Variants in ATG10 observed in about 807,000 individuals in gnomAD.
ATG10 encodes autophagy related 10.
ATG10 carries 30 observed loss-of-function variants against 32.1 expected under a neutral mutation model. That is an observed-to-expected ratio of 0.94 (90% CI 0.70 to 1.27). ATG10 has a LOEUF of 1.27. Among genes scored for constraint, ATG10 ranks in the 50% most tolerant of loss-of-function variants. The probability of loss-of-function intolerance (pLI) is 0.00; values close to 1 mark genes in which losing one functional copy is unlikely to be tolerated. For synonymous variants in ATG10, 87 were observed against 91.5 expected (o/e 0.95, Z 0.28); for missense variants, 233 against 262.3 (o/e 0.89, Z 0.77).
rs372676063 is a variant in ATG10, at chr5:82,080,644, C to G, written c.216+22042C>G. Among the ~76,000 whole-genome samples the G allele has an allele frequency of 1.0e-3, 155 of 152,046 alleles. No individual in the cohort carries two copies. In the East Asian group the frequency reaches 0.026, roughly 26 times the overall value. On this transcript the variant is annotated intron_variant, in intron 3 of 7. Transcript: ENST00000282185. ...AATCCTTTCCCCATTGCTTGTTTTT[C>G]TCAGGTTTGTCAAAGATCAGATGGT...
At chr5:82,085,936 T>C (rs1764672152) in intron 3 of ATG10, among the ~76,000 whole-genome samples, 1 of 152,172 alleles carries the variant, frequency 6.6e-6, no homozygotes, top group South Asian at 2.1e-4. Context: ...TTTATTACAG[T>C]ATACATTTTG....
chr5:82,244,314 A>G lies in ATG10; in HGVS notation c.454-8248A>G, dbSNP rs187464489. On this transcript the variant is annotated intron_variant, in intron 5 of 7. Coordinates refer to ENST00000282185, the MANE Select transcript of ATG10 (RefSeq NM_031482.5). ...TAGACACCAGTTCTGGTCAGAGGGC[A>G]TGAGGAGGTGCAGTGTAAGTGTGTG... Among the ~76,000 whole-genome samples, 599 of 152,306 alleles carry G rather than the reference A, an allele frequency of 3.9e-3. 3 individuals are homozygous for G. Among genetic ancestry groups the G allele is most frequent in the African/African-American group, 0.013 (530 of 41,574 alleles).
At chr5:82,053,945 C>T (rs1258454618) in intron 2 of ATG10, among the ~76,000 whole-genome samples, 1 of 152,140 alleles carries the variant, frequency 6.6e-6, no homozygotes, top group Admixed American at 6.5e-5. Flanking sequence ...AAGAAGAGAG[C>T]ATTAACAGAG....
intron 5 of ATG10, among the ~76,000 whole-genome samples, chr5:82,223,392 T>C (rs60494680): frequency 0.012 from 1,831 of 152,308 alleles, 26 homozygotes; most frequent in African/African-American, 0.043. Flanking sequence ...AGTGGTTAGG[T>C]TGGTTTACTA....
chr5:82,018,978 CTT>C (rs1182974711), intron 2 of ATG10, among the ~76,000 whole-genome samples: 2 of 152,094 alleles, frequency 1.3e-5, no homozygotes, highest in Non-Finnish European at 2.9e-5. Flanking sequence ...AGGTAGGAAT[CTT>C]TGTTTAATTT....
At chr5:82,250,668 TA>T (rs759441016) in intron 5 of ATG10, among the ~76,000 whole-genome samples, 3 of 152,228 alleles carry the variant, frequency 2.0e-5, no homozygotes, top group Non-Finnish European at 4.4e-5. Flanking sequence ...GTAGGGCTTA[TA>T]ATTATCTGGA....
chr5:82,226,038 A>G (rs918908146), intron 5 of ATG10, among the ~76,000 whole-genome samples: 2 of 152,016 alleles, frequency 1.3e-5, no homozygotes, highest in Non-Finnish European at 2.9e-5. Context: ...ATTTATTCTT[A>G]CTTTCTCTCT....
intron 3 of ATG10, among the ~76,000 whole-genome samples, chr5:82,153,881 C>T (rs1767705049): frequency 6.6e-6 from 1 of 150,380 alleles, no homozygotes; most frequent in South Asian, 2.1e-4. Flanking sequence ...GTGTCTAGAG[C>T]AGACGATGGC....
intron 5 of ATG10, among the ~76,000 whole-genome samples, chr5:82,215,421 C>T (rs925562303): frequency 1.4e-4 from 21 of 152,248 alleles, no homozygotes; most frequent in South Asian, 2.1e-4. Flanking sequence ...CCAGCCCATA[C>T]GCAAGGGGAC....
intron 5 of ATG10, among the ~76,000 whole-genome samples, chr5:82,220,120 T>C (rs1745855507): frequency 6.6e-6 from 1 of 152,200 alleles, no homozygotes; most frequent in African/African-American, 2.4e-5. Context: ...TTGTTGGTCA[T>C]GCACATGGGG....
At chr5:82,107,129 A>G (rs1035121458) in intron 3 of ATG10, among the ~76,000 whole-genome samples, 2 of 152,080 alleles carry the variant, frequency 1.3e-5, no homozygotes, top group Admixed American at 6.6e-5. Context: ...AAAAATATAT[A>G]TATAGATTAA....
chr5:82,181,518 A>T (rs1744230127), intron 5 of ATG10, among the ~76,000 whole-genome samples: 1 of 152,162 alleles, frequency 6.6e-6, no homozygotes, highest in South Asian at 2.1e-4. Context: ...CCACATACAA[A>T]AGAAAACAAG....
chr5:82,132,674 T>C (rs1766589666), intron 3 of ATG10, among the ~76,000 whole-genome samples: 2 of 152,056 alleles, frequency 1.3e-5, no homozygotes, highest in Non-Finnish European at 2.9e-5. Flanking sequence ...TTTGGGTTGG[T>C]TCCAAGTCTT....
chr5:82,102,793 G>C (rs904835752), intron 3 of ATG10, among the ~76,000 whole-genome samples: 2 of 152,162 alleles, frequency 1.3e-5, no homozygotes, highest in Non-Finnish European at 2.9e-5. Context: ...TTACAGTTCA[G>C]CTGTGCTTTG....
At chr5:82,234,570 C>T (rs1168066690) in intron 5 of ATG10, among the ~76,000 whole-genome samples, 1 of 152,238 alleles carries the variant, frequency 6.6e-6, no homozygotes, top group Non-Finnish European at 1.5e-5. Flanking sequence ...ATTTGAAGGT[C>T]ACGCTAGCTC....
intron 3 of ATG10, among the ~76,000 whole-genome samples, chr5:82,109,937 A>T (rs962931136): frequency 2.1e-5 from 3 of 142,424 alleles, no homozygotes; most frequent in African/African-American, 7.5e-5. Flanking sequence ...ATATCTCCTA[A>T]TGCTATCCCC....
chr5:82,099,265 C>T (rs958590073), intron 3 of ATG10, among the ~76,000 whole-genome samples: 15 of 151,694 alleles, frequency 9.9e-5, no homozygotes, highest in African/African-American at 2.2e-4. Context: ...AAAAGTACAT[C>T]GATTGGATAA....
chr5:82,158,355 C>A (rs112207089), intron 3 of ATG10, among the ~76,000 whole-genome samples: 4 of 150,950 alleles, frequency 2.6e-5, no homozygotes, highest in African/African-American at 9.8e-5. Flanking sequence ...GCTGCCCCCC[C>A]GCCCCCCATC....
chr5:81,996,871 G>T (rs1761680545), intron 2 of ATG10, among the ~76,000 whole-genome samples: 1 of 152,144 alleles, frequency 6.6e-6, no homozygotes, highest in East Asian at 1.9e-4. Flanking sequence ...TGATTATAAG[G>T]ATAATGAGAA....
Sources: allele counts gnomAD v4.1 joint callset (sites outside exome capture counted in the v4.1 genomes callset), GRCh38; gene constraint gnomAD v4.1.1; transcripts MANE v1.5; gene names NCBI Gene and HGNC (gene_info 2026-07-23, HGNC 2026-07-21).